PCDH11X: variants seen among roughly 807,000 people sequenced by gnomAD.
PCDH11X encodes protocadherin-11 X-linked.
PCDH11X carries 18 observed loss-of-function variants against 53.3 expected under a neutral mutation model. That is an observed-to-expected ratio of 0.34 (90% CI 0.23 to 0.50). The LOEUF is 0.50. PCDH11X is among the 20% of genes least tolerant of loss of function. The probability of loss-of-function intolerance (pLI) is 0.98; values close to 1 mark genes in which losing one functional copy is unlikely to be tolerated. For missense variants in PCDH11X, 570 were observed against 1,032.4 expected, an observed-to-expected ratio of 0.55 and a Z score of 6.14; for synonymous variants, 279 against 393.3, an observed-to-expected ratio of 0.71 and a Z score of 3.44.
intron 6 of PCDH11X, among the ~76,000 whole-genome samples, chrX:91,945,816 T>C: frequency 9.0e-6 from 1 of 110,562 alleles, no homozygotes; most frequent in African/African-American, 3.3e-5. Context: ...TTGAAATTGC[T>C]GCATGTTTCC....
At chrX:92,238,948 T>G (rs923883580) in intron 7 of PCDH11X, among the ~76,000 whole-genome samples, 5 of 110,047 alleles carry the variant, frequency 4.5e-5, no homozygotes, top group Non-Finnish European at 9.6e-5. Flanking sequence ...ATTTTTCATG[T>G]TTTTTTTTCC....
intron 8 of PCDH11X, among the ~76,000 whole-genome samples, chrX:92,352,994 T>C (rs182829792): frequency 9.9e-4 from 110 of 111,450 alleles, no homozygotes; most frequent in Non-Finnish European, 1.8e-3. Context: ...CGCTGCTCTG[T>C]CTGTCTGAGT....
At chrX:92,336,596 A>C (rs926849417) in intron 8 of PCDH11X, among the ~76,000 whole-genome samples, 2 of 111,764 alleles carry the variant, frequency 1.8e-5, no homozygotes, top group Non-Finnish European at 3.8e-5. Flanking sequence ...GGCATTTTTG[A>C]TTAAGCTGTG....
chrX:92,087,951 T>C (rs1354442002), intron 6 of PCDH11X, among the ~76,000 whole-genome samples: 2 of 98,378 alleles, frequency 2.0e-5, no homozygotes, highest in African/African-American at 4.1e-5. Context: ...ATGATATATA[T>C]ATAAGAAATA....
intron 10 of PCDH11X, among the ~76,000 whole-genome samples, chrX:92,609,692 G>A (rs1391333751): frequency 9.1e-6 from 1 of 110,299 alleles, no homozygotes; most frequent in Non-Finnish European, 1.9e-5. Context: ...ATTGGGTGAC[G>A]CTGAGGTTTG....
intron 9 of PCDH11X, among the ~76,000 whole-genome samples, chrX:92,389,362 C>A (rs1206174652): frequency 9.0e-6 from 1 of 111,625 alleles, no homozygotes; most frequent in African/African-American, 3.2e-5. Context: ...ACACATTAAG[C>A]AAGGGTGCCA....
intron 8 of PCDH11X, among the ~76,000 whole-genome samples, chrX:92,345,692 AT>A (rs759115489): frequency 3.6e-5 from 4 of 110,593 alleles, no homozygotes; most frequent in Non-Finnish European, 7.6e-5. Flanking sequence ...CTTGATAGTT[AT>A]TTTTTTTCCT....
intron 10 of PCDH11X, among the ~76,000 whole-genome samples, chrX:92,523,611 T>C (rs1301050493): frequency 9.0e-6 from 1 of 111,521 alleles, no homozygotes; most frequent in Non-Finnish European, 1.9e-5. Context: ...TTCTCCACTG[T>C]TTTCCTTATC....
chrX:91,970,221 G>A (rs1569283668), intron 6 of PCDH11X, among the ~76,000 whole-genome samples: 1 of 111,412 alleles, frequency 9.0e-6, no homozygotes, highest in African/African-American at 3.3e-5. Flanking sequence ...ACTGCACAGA[G>A]TGAAAGAACA....
At chrX:92,340,383 C>T (rs1401876446) in intron 8 of PCDH11X, among the ~76,000 whole-genome samples, 6 of 112,107 alleles carry the variant, frequency 5.4e-5, no homozygotes, top group Non-Finnish European at 1.1e-4. Context: ...CCCCACATTT[C>T]TCCTCTGCAC....
At chrX:92,375,641 T>C (rs1012409279) in intron 8 of PCDH11X, among the ~76,000 whole-genome samples, 1 of 110,898 alleles carries the variant, frequency 9.0e-6, no homozygotes, top group Non-Finnish European at 1.9e-5. Flanking sequence ...TTGTTTGTTT[T>C]TGAGATGGAG....
chrX:92,366,418 A>T (rs1402688628), intron 8 of PCDH11X, among the ~76,000 whole-genome samples: 1 of 110,245 alleles, frequency 9.1e-6, no homozygotes, highest in Non-Finnish European at 1.9e-5. Context: ...TCTGTTTTTT[A>T]AAAAAATCTT....
At chrX:92,160,271 T>C (rs1341963118) in intron 6 of PCDH11X, among the ~76,000 whole-genome samples, 1 of 110,034 alleles carries the variant, frequency 9.1e-6, no homozygotes, top group Admixed American at 9.8e-5. Context: ...CCAAGCAGCA[T>C]ACATTGAACC....
intron 6 of PCDH11X, among the ~76,000 whole-genome samples, chrX:92,127,864 C>G (rs1431263238): frequency 9.0e-6 from 1 of 111,140 alleles, no homozygotes; most frequent in Non-Finnish European, 1.9e-5. Context: ...CTACCCAAAC[C>G]TAAAGTATCA....
At position 92,516,719 on chromosome X, in the gene PCDH11X, A is replaced by T. The variant is rs7880540; in HGVS notation, c.3367+48397A>T. The stretch of plus-strand genomic sequence containing the variant: ...ATAGAGGTAATCAATCTGTCTTATA[A>T]AGACTCAGATTTTACAATTTTCTTA... On this transcript the variant is annotated intron_variant, in intron 10 of 10. Transcript: ENST00000682573. 5.6e-3 allele frequency among the ~76,000 whole-genome samples: 632 copies of T among 112,329 alleles called. 8 individuals are homozygous for T. The highest frequency in any genetic ancestry group is 0.02 in the African/African-American group (613 of 30,976).
intron 6 of PCDH11X, among the ~76,000 whole-genome samples, chrX:92,102,082 A>G (rs1157704991): frequency 1.2e-4 from 13 of 109,337 alleles, no homozygotes; most frequent in African/African-American, 3.0e-4. Context: ...GAGAGATACA[A>G]TCGTGGGGGT....
intron 6 of PCDH11X, among the ~76,000 whole-genome samples, chrX:91,968,811 A>G (rs943405921): frequency 1.8e-5 from 2 of 111,712 alleles, no homozygotes; most frequent in African/African-American, 6.5e-5. Flanking sequence ...TTATAAATCT[A>G]AAAATGGGTG....
intron 10 of PCDH11X, among the ~76,000 whole-genome samples, chrX:92,566,092 T>C (rs1921439226): frequency 9.1e-6 from 1 of 109,548 alleles, no homozygotes; most frequent in African/African-American, 3.3e-5. Flanking sequence ...ACAGGAAAAG[T>C]TCAATTAAAA....
chrX:92,523,972 G>C (rs1305053136), intron 10 of PCDH11X, among the ~76,000 whole-genome samples: 2 of 109,408 alleles, frequency 1.8e-5, no homozygotes, highest in African/African-American at 6.7e-5. Flanking sequence ...ATTAAGGTGA[G>C]TTCTTTCTGA....
Sources: allele counts gnomAD v4.1 joint callset (sites outside exome capture counted in the v4.1 genomes callset), GRCh38; gene constraint gnomAD v4.1.1; transcripts MANE v1.5; gene names NCBI Gene and HGNC (gene_info 2026-07-23, HGNC 2026-07-21).